The following LRP4 variants were observed in gnomAD, a reference collection of about 807,000 sequenced individuals.
LRP4 encodes the protein low-density lipoprotein receptor-related protein 4.
In LRP4, 95 loss-of-function variants were observed where a neutral mutation model predicts 220.3. That is an observed-to-expected ratio of 0.43 (90% CI 0.37 to 0.51). The LOEUF (loss-of-function observed/expected upper bound fraction) is 0.51. Among genes scored for constraint, LRP4 ranks in the 20% least tolerant of loss-of-function variants. The pLI, the probability that LRP4 is intolerant of heterozygous loss-of-function variation, is 0.00. For synonymous variants in LRP4, 903 were observed against 954.6 expected (o/e 0.95, Z 1.00); for missense variants, 1,925 against 2,567.0 (o/e 0.75, Z 5.40).
At position 46,902,820 on chromosome 11, in the gene LRP4, G is replaced by A; in HGVS notation, c.162C>T (p.Asp54=). 1 of 1,614,112 alleles carries A rather than the reference G, an allele frequency of 6.2e-7. No individual in the cohort carries two copies. The highest frequency in any genetic ancestry group is 1.3e-5 in the African/African-American group (1 of 75,062). ...CATCGCTGTGGTCCCCGCAGTCATT[G>A]TCTCCATCACACTGCCACTGGGCAG... ...CIPAQWQCDG[D]NDCGDHSDED... is the part of the protein sequence containing the mutation. Residue 54 remains aspartate (D), a synonymous_variant, in exon 2 of 38, where the codon GAC becomes GAT. Coordinates refer to ENST00000378623, the MANE Select transcript of LRP4 (RefSeq NM_002334.4).
chr11:46,894,611 C>T lies in LRP4; in HGVS notation c.1518G>A (p.Val506=). The T allele has an allele frequency of 6.2e-7, 1 of 1,610,392 alleles. No individual in the cohort carries two copies. The highest frequency in any genetic ancestry group is 8.5e-7 in the Non-Finnish European group (1 of 1,178,180). ...TACCTGGGCTCTCCAGCCCAGTAGA[C>T]ACAACCTCCTCCACGTTGCTGCCGT... The part of the protein sequence containing the change: ...NLNGSNVEEV[V]STGLESPGGL... The change falls in exon 12 of 38, where the codon GTG becomes GTA. Residue 506 remains valine, a synonymous_variant. Coordinates refer to ENST00000378623, the MANE Select transcript of LRP4 (RefSeq NM_002334.4).
Position 46,859,359 on chromosome 11 carries a change from T to A in LRP4, c.5386-44A>T, listed in dbSNP as rs775170369. 1.2e-5 allele frequency: 17 copies of A among 1,423,878 alleles called. No individual in the cohort carries two copies. In the East Asian group the frequency reaches 3.6e-4, roughly 30 times the overall value. 88.2% of individuals were successfully genotyped at this position (1,423,878 alleles called of 1,614,324 possible). ...AGATATGGTCAGTCAGTTGGCCTTC[T>A]ACAAAGGATCCCATGGTAAACTGAA... On this transcript the variant is annotated intron_variant, in intron 37 of 37. Transcript: ENST00000378623.
Position 46,899,183 on chromosome 11 carries a change from G to A in LRP4, c.548-151C>T, listed in dbSNP as rs537500747. ...TTCATCTGGGACAGCCCTTATAGAC[G>A]CCCATATTCAGGTGGACCAAAGGAA... On this transcript the variant is annotated intron_variant, in intron 5 of 37. Transcript: ENST00000378623. This position sits in a 1 kb window ranked among gnomAD's most constrained non-coding sequence, Gnocchi z 5.9. 21 of 917,706 alleles carry A rather than the reference G, an allele frequency of 2.3e-5. No homozygotes were observed. The South Asian group carries it at 2.3e-4, about 10-fold the overall frequency. 56.8% of individuals were successfully genotyped at this position (917,706 alleles called of 1,614,324 possible).
Position 46,899,714 on chromosome 11 carries a change from C to T in LRP4, c.430+149G>A, listed in dbSNP as rs1592546282. ...GTCCACAGTTTCTGGGGGGTCTGAG[C>T]GGCTCTGCCCCCTCTGCGTTCCTCT... On this transcript the variant is annotated intron_variant, in intron 4 of 37. Coordinates refer to ENST00000378623, the MANE Select transcript of LRP4 (RefSeq NM_002334.4). This position sits in a 1 kb window ranked among gnomAD's most constrained non-coding sequence, Gnocchi z 5.9. 8 of 802,674 alleles carry T rather than the reference C, an allele frequency of 1.0e-5. No homozygotes were observed. The highest frequency in any genetic ancestry group is 7.5e-5 in the East Asian group (3 of 40,004). 49.7% of individuals were successfully genotyped at this position (802,674 alleles called of 1,614,324 possible). A position where few individuals can be genotyped will look rare whatever the true frequency, so the allele number is the denominator to read the frequency against.
chr11:46,891,909 C>G (rs973283969), intron 13 of LRP4, among the ~76,000 whole-genome samples: 1 of 152,146 alleles, frequency 6.6e-6, no homozygotes, highest in African/African-American at 2.4e-5. Context: ...AGCCACTGAA[C>G]CTGACCAGAT....
In LRP4 at chr11:46,890,056, G is replaced by T. The variant is rs551132576; in HGVS notation, c.1980C>A (p.Thr660=). 71 of 1,614,148 alleles carry T rather than the reference G, an allele frequency of 4.4e-5. 1 individual carries two copies. In the South Asian group the frequency reaches 7.7e-4, roughly 17 times the overall value. The change falls in exon 15 of 38, where the codon ACC becomes ACA. Residue 660 remains threonine, a synonymous_variant. Coordinates refer to ENST00000378623, the MANE Select transcript of LRP4 (RefSeq NM_002334.4). The surrounding 1 kb of genome is among the most constrained non-coding windows in gnomAD (Gnocchi z 5.3). ...ATTTGTTAGCGCTATTGATGCTCTTGGTGTGCCAGTCTGTCCAGTACAGGC... is the reference window on the plus strand; with the variant it reads ...ATTTGTTAGCGCTATTGATGCTCTTTGTGTGCCAGTCTGTCCAGTACAGGC... ...EDSLYWTDWH[T]KSINSANKFT... is the part of the protein sequence containing the mutation.
At position 46,890,264 on chromosome 11, in the gene LRP4, G is replaced by A. The variant is rs1315846896; in HGVS notation, c.1915+13C>T. 5 of 1,613,802 alleles carry A rather than the reference G, an allele frequency of 3.1e-6. No homozygotes were observed. The highest frequency in any genetic ancestry group is 4.2e-6 in the Non-Finnish European group (5 of 1,179,750). On this transcript the variant is annotated intron_variant, in intron 14 of 37. Coordinates refer to ENST00000378623, the MANE Select transcript of LRP4 (RefSeq NM_002334.4). The surrounding 1 kb of genome is among the most constrained non-coding windows in gnomAD (Gnocchi z 5.3). ...AGGACAAGAGATGAAGGAGACTGAA[G>A]GAAGGGGCTCACCCTGGCTAATGAC...
intron 1 of LRP4, among the ~76,000 whole-genome samples, chr11:46,912,260 C>T (rs1941872569): frequency 6.6e-6 from 1 of 152,184 alleles, no homozygotes; most frequent in Non-Finnish European, 1.5e-5. Flanking sequence ...CACAGCAAAG[C>T]TCTCAAAAAT....
chr11:46,890,453 T>C lies in LRP4; in HGVS notation c.1739A>G (p.Glu580Gly). 1 of 1,614,044 alleles carries C rather than the reference T, an allele frequency of 6.2e-7. No individual in the cohort carries two copies. The highest frequency in any genetic ancestry group is 2.2e-5 in the East Asian group (1 of 44,862). Reference protein sequence around the residue: ...WTDWGNTPRIEASSMDGSGRR... With the variant: ...WTDWGNTPRIGASSMDGSGRR... The stretch of plus-strand genomic sequence containing the variant: ...TCCAGAGCCATCCATGCTGGAGGCC[T>C]CAATACGGGGGGTGTTGCCCCAGTC... Residue 580 changes from glutamate (E) to glycine (G), a missense_variant, in exon 14 of 38, where the codon GAG becomes GGG. Transcript: ENST00000378623. This position sits in a 1 kb window ranked among gnomAD's most constrained non-coding sequence, Gnocchi z 5.3.
intron 35 of LRP4, 95 bp from the exon 36 acceptor site, chr11:46,864,630 G>C (rs1156693500): frequency 1.7e-5 from 14 of 846,252 alleles, no homozygotes; most frequent in Non-Finnish European, 2.8e-5. Flanking sequence ...CCTTTTGTAG[G>C]TGTTGGACCC....
Position 46,872,279 on chromosome 11 carries a change from T to A in LRP4, c.4584-646A>T, listed in dbSNP as rs151208541. ...TCAACAACAACAACAAAAAAGGAAG[T>A]GAGCCCAGTCTACATGGACCTTGCT... On this transcript the variant is annotated intron_variant, in intron 30 of 37. Transcript: ENST00000378623. 2.2e-3 allele frequency among the ~76,000 whole-genome samples: 339 copies of A among 151,772 alleles called. 1 individual carries two copies. Among genetic ancestry groups the A allele is most frequent in the Middle Eastern group, 6.8e-3 (2 of 292 alleles).
chr11:46,916,999 G>C (rs1357389434), intron 1 of LRP4, among the ~76,000 whole-genome samples: 1 of 152,226 alleles, frequency 6.6e-6, no homozygotes, highest in Admixed American at 6.5e-5. Context: ...ACCGCTCTTC[G>C]GAGAGAAAGA....
intron 7 of LRP4, among the ~76,000 whole-genome samples, chr11:46,897,257 G>T (rs1941552761): frequency 6.6e-6 from 1 of 151,310 alleles, no homozygotes; most frequent in South Asian, 2.1e-4. Context: ...CCTCTGCACA[G>T]TGCACAACCT....
chr11:46,889,080 A>G (rs1244703340), intron 16 of LRP4, among the ~76,000 whole-genome samples: 1 of 152,238 alleles, frequency 6.6e-6, no homozygotes, highest in Non-Finnish European at 1.5e-5. Context: ...GTAAAAAGGT[A>G]GGAAATCATT....
Position 46,918,423 on chromosome 11 carries a change from C to A in LRP4, c.-44G>T. ...CGCCCGGGGTCCCGCCGGCTCCCGC[C>A]GGACGGCGCGGCGGAGAAGCCCGCG... On this transcript the variant is annotated 5_prime_UTR_variant, in exon 1 of 38. Coordinates refer to ENST00000378623, the MANE Select transcript of LRP4 (RefSeq NM_002334.4). The surrounding 1 kb of genome is among the most constrained non-coding windows in gnomAD (Gnocchi z 6.0). 1 of 1,323,190 alleles carries A rather than the reference C, an allele frequency of 7.6e-7. No homozygotes were observed. The highest frequency in any genetic ancestry group is 9.6e-7 in the Non-Finnish European group (1 of 1,041,148). 82.0% of individuals were successfully genotyped at this position (1,323,190 alleles called of 1,614,324 possible).
chr11:46,889,360 C>T (rs759496231), intron 16 of LRP4, 51 bp downstream of exon 16: 7 of 1,610,496 alleles, frequency 4.3e-6, no homozygotes, highest in Middle Eastern at 1.7e-4. Context: ...TGTTCCTTCT[C>T]CCCATCCTCA....
At chr11:46,910,680 C>CTTTTTTT (rs56889464) in intron 1 of LRP4, among the ~76,000 whole-genome samples, 4 of 123,800 alleles carry the variant, frequency 3.2e-5, no homozygotes, top group Admixed American at 9.0e-5. Context: ...TCCTTGCCCC[C>CTTTTTTT]TTTTTTTTTT....
chr11:46,912,993 G>A (rs1941889184), intron 1 of LRP4, among the ~76,000 whole-genome samples: 1 of 152,080 alleles, frequency 6.6e-6, no homozygotes, highest in Non-Finnish European at 1.5e-5. Flanking sequence ...TAGAGGTGAG[G>A]GGGAGCTCCC....
intron 31 of LRP4, among the ~76,000 whole-genome samples, chr11:46,869,813 A>T (rs1180827682): frequency 6.6e-6 from 1 of 152,106 alleles, no homozygotes; most frequent in African/African-American, 2.4e-5. Context: ...AACCAGATAA[A>T]ATCTTTTTGG....
Sources: gnomAD v4.1 joint callset for allele counts (sites outside exome capture counted in the v4.1 genomes callset) on GRCh38, gnomAD v4.1.1 for gene constraint, Gnocchi (gnomAD v3.1) non-coding constraint, MANE v1.5 for transcripts, NCBI Gene and HGNC (gene_info 2026-07-23, HGNC 2026-07-21) for gene names.